Variants in DNAJC13 observed in about 807,000 individuals in gnomAD.
DNAJC13 encodes DnaJ heat shock protein family (Hsp40) member C13.
Under a neutral mutation model 290.5 loss-of-function variants are expected in DNAJC13, and 75 were observed. That is an observed-to-expected ratio of 0.26 (90% confidence interval 0.21 to 0.31). The LOEUF (loss-of-function observed/expected upper bound fraction) is 0.31, where lower values mean the gene tolerates loss of function less well. Ranked by LOEUF, DNAJC13 falls within the 10% of genes least tolerant of loss-of-function variation. The probability of loss-of-function intolerance (pLI) is 1.00; values close to 1 mark genes in which losing one functional copy is unlikely to be tolerated. For synonymous variants in DNAJC13, 862 were observed against 892.0 expected (o/e 0.97, Z 0.60); for missense variants, 2,260 against 2,674.5 (o/e 0.85, Z 3.42).
intron 2 of DNAJC13, among the ~76,000 whole-genome samples, chr3:132,437,457 G>A (rs182417283): frequency 1.4e-4 from 22 of 152,292 alleles, no homozygotes; most frequent in Admixed American, 3.3e-4. Flanking sequence ...TTTCTTCTAA[G>A]AGCTGTATAG....
chr3:132,420,641 G>C (rs1047949873), intron 1 of DNAJC13, among the ~76,000 whole-genome samples: 1 of 151,972 alleles, frequency 6.6e-6, no homozygotes, highest in Non-Finnish European at 1.5e-5. Context: ...ATGCAAAGAG[G>C]CACAACACAA....
chr3:132,438,991 T>A (rs996589869), intron 2 of DNAJC13, among the ~76,000 whole-genome samples: 1 of 152,224 alleles, frequency 6.6e-6, no homozygotes, highest in Non-Finnish European at 1.5e-5. Context: ...GATGTTTCAG[T>A]TAAAGCAGAA....
At chr3:132,473,374 G>A in intron 21 of DNAJC13, 147 bp downstream of exon 21, 2 of 591,314 alleles carry the variant, frequency 3.4e-6, no homozygotes, top group East Asian at 3.1e-5. Flanking sequence ...TGTTAAGATT[G>A]GGGTGACTAG....
intron 29 of DNAJC13, among the ~76,000 whole-genome samples, chr3:132,486,856 A>T (rs370140290): frequency 1.3e-5 from 2 of 152,250 alleles, no homozygotes; most frequent in South Asian, 4.1e-4. Flanking sequence ...GTTTTCTAGT[A>T]TAGTGATAGT....
intron 13 of DNAJC13, chr3:132,458,394 T>G (rs1231306511): frequency 3.9e-5 from 6 of 152,188 alleles, no homozygotes; most frequent in African/African-American, 1.2e-4. Context: ...AGTAGTGAGA[T>G]AACTAGAACT....
At chr3:132,439,885 A>G (rs1427892511) in intron 2 of DNAJC13, among the ~76,000 whole-genome samples, 3 of 152,212 alleles carry the variant, frequency 2.0e-5, no homozygotes, top group Admixed American at 6.5e-5. Flanking sequence ...TTTCCACTAC[A>G]GAGTATCCTG....
intron 1 of DNAJC13, among the ~76,000 whole-genome samples, chr3:132,433,920 C>G (rs1236732061): frequency 6.6e-6 from 1 of 152,118 alleles, no homozygotes; most frequent in Non-Finnish European, 1.5e-5. Context: ...TCTTTAAAAA[C>G]CTTATGGTCT....
intron 12 of DNAJC13, 98 bp from the exon 13 acceptor site, chr3:132,457,171 C>T (rs1933631075): frequency 1.2e-6 from 1 of 817,144 alleles, no homozygotes; most frequent in Non-Finnish European, 1.9e-6. Context: ...GTCATTGTTC[C>T]AGTAGTGCAA....
At chr3:132,536,935 G>T (rs956539930) in intron 55 of DNAJC13, among the ~76,000 whole-genome samples, 1 of 152,024 alleles carries the variant, frequency 6.6e-6, no homozygotes, top group Non-Finnish European at 1.5e-5. Flanking sequence ...ACTCTGGTTG[G>T]CTTCAGTTAC....
intron 41 of DNAJC13, 128 bp downstream of exon 41, chr3:132,503,509 C>A: frequency 2.7e-6 from 3 of 1,122,950 alleles, no homozygotes; most frequent in Non-Finnish European, 3.8e-6. Flanking sequence ...TTCTCTCAAG[C>A]AAGAAATTCA....
At chr3:132,485,452 C>G (rs1206818246) in intron 29 of DNAJC13, among the ~76,000 whole-genome samples, 1 of 152,184 alleles carries the variant, frequency 6.6e-6, no homozygotes, top group East Asian at 1.9e-4. Flanking sequence ...TTCACTTACT[C>G]TTGAGTTGCT....
chr3:132,435,848 A>G (rs1175290826), intron 2 of DNAJC13, among the ~76,000 whole-genome samples: 1 of 152,236 alleles, frequency 6.6e-6, no homozygotes, highest in East Asian at 1.9e-4. Context: ...TAAAGAACAA[A>G]CTTACTGCAA....
intron 48 of DNAJC13, among the ~76,000 whole-genome samples, chr3:132,517,851 AG>A (rs1935963832): frequency 6.6e-6 from 1 of 152,238 alleles, no homozygotes. Context: ...CTCTCAGTCT[AG>A]GTATTGAGAA....
intron 46 of DNAJC13, among the ~76,000 whole-genome samples, chr3:132,515,101 G>T (rs925318020): frequency 2.0e-5 from 3 of 152,118 alleles, no homozygotes; most frequent in African/African-American, 7.2e-5. Flanking sequence ...TACCAAGGTG[G>T]TTTAAAAAAT....
Position 132,492,524 on chromosome 3 carries a change from C to T in DNAJC13, c.3734C>T (p.Pro1245Leu), listed in dbSNP as rs746067624. Residue 1245 changes from proline to leucine, a missense_variant, in exon 33 of 56, where the codon CCA becomes CTA. By Grantham distance (98) the Pro-to-Leu change is moderately conservative. Coordinates refer to ENST00000260818, the MANE Select transcript of DNAJC13 (RefSeq NM_015268.4). ...TGCCCCATTCCTATAATCAACTATC[C>T]ACAACTCGAAAATGAACTATTTTGT... ...QYCPIPIINY[P>L]QLENELFCNI... is the part of the protein sequence containing the mutation. The T allele has an allele frequency of 1.2e-6, 2 of 1,613,788 alleles. No homozygotes were observed. Among genetic ancestry groups the T allele is most frequent in the Non-Finnish European group, 1.7e-6 (2 of 1,179,836 alleles).
rs747591375 is a variant in DNAJC13, at chr3:132,482,377, T to G, written c.2979+47T>G. 12 of 1,462,732 alleles carry G rather than the reference T, an allele frequency of 8.2e-6. No homozygotes were observed. The South Asian group carries it at 1.0e-4, about 13-fold the overall frequency. The allele number at this position is 1,462,732 out of a possible 1,614,324, so 90.6% of individuals were successfully genotyped here. A position where few individuals can be genotyped will look rare whatever the true frequency, so the allele number is the denominator to read the frequency against. On this transcript the variant is annotated intron_variant, in intron 27 of 55. Coordinates refer to ENST00000260818, the MANE Select transcript of DNAJC13 (RefSeq NM_015268.4). ...TTGGTGAAGGTCTCAGCATTTCTTA[T>G]GCCCTCCTGCTTAGCACTTACAGAG...
At chr3:132,516,672 T>G in intron 47 of DNAJC13, 32 bp from the exon 48 acceptor site, 1 of 1,579,856 alleles carries the variant, frequency 6.3e-7, no homozygotes. Context: ...GTCAAATTCT[T>G]TATAAGCACT....
chr3:132,515,932 A>G (rs576622440), intron 46 of DNAJC13, among the ~76,000 whole-genome samples: 87 of 152,302 alleles, frequency 5.7e-4, no homozygotes, highest in Non-Finnish European at 9.7e-4. Flanking sequence ...TGCATATAAT[A>G]TGGTAGTGAC....
At chr3:132,519,404 T>G (rs1434044525) in intron 48 of DNAJC13, among the ~76,000 whole-genome samples, 1 of 152,248 alleles carries the variant, frequency 6.6e-6, no homozygotes, top group Non-Finnish European at 1.5e-5. Context: ...TACAACTTTT[T>G]AAGAGAAATG....
Sources: allele counts gnomAD v4.1 joint callset (sites outside exome capture counted in the v4.1 genomes callset), GRCh38; gene constraint gnomAD v4.1.1; transcripts MANE v1.5; gene names NCBI Gene and HGNC (gene_info 2026-07-23, HGNC 2026-07-21).